ENPEP: variants seen among roughly 807,000 people sequenced by gnomAD.
The protein encoded by ENPEP is AP-A.
ENPEP carries 103 observed loss-of-function variants against 114.5 expected under a neutral mutation model. That is an observed-to-expected ratio of 0.90 (90% confidence interval 0.77 to 1.06). The LOEUF is 1.06. Ranked by LOEUF, ENPEP falls within the 50% of genes least tolerant of loss-of-function variation. The pLI is 0.00. For missense variants in ENPEP, 1,196 were observed against 1,161.3 expected (o/e 1.03, Z -0.43); for synonymous variants, 420 against 422.0 (o/e 1.00, Z 0.06).
chr4:110,500,300 A>C (rs1311258637), intron 3 of ENPEP: 1 of 152,214 alleles, frequency 6.6e-6, no homozygotes, highest in Non-Finnish European at 1.5e-5. Flanking sequence ...AGGGAAAAGC[A>C]AAAGCTATGT....
intron 11 of ENPEP, among the ~76,000 whole-genome samples, chr4:110,534,399 T>G (rs1224340277): frequency 6.6e-6 from 1 of 152,104 alleles, no homozygotes; most frequent in Admixed American, 6.6e-5. Context: ...ATATAGTATA[T>G]TTTATCCTGT....
At chr4:110,536,876 G>T (rs1210687750) in intron 11 of ENPEP, among the ~76,000 whole-genome samples, 3 of 152,070 alleles carry the variant, frequency 2.0e-5, no homozygotes, top group African/African-American at 7.2e-5. Context: ...TGCAGTTTTG[G>T]TGCCAAGCCA....
chr4:110,523,156 C>T (rs1434070540), intron 10 of ENPEP, among the ~76,000 whole-genome samples: 1 of 152,036 alleles, frequency 6.6e-6, no homozygotes, highest in Non-Finnish European at 1.5e-5. Flanking sequence ...TGGTGAAAGC[C>T]CATCCGTTTG....
chr4:110,500,289 AAG>A (rs1207351047), intron 3 of ENPEP: 2 of 152,212 alleles, frequency 1.3e-5, no homozygotes, highest in Non-Finnish European at 2.9e-5. Context: ...CCAATATGAT[AAG>A]GGAAAAGCAA....
intron 10 of ENPEP, among the ~76,000 whole-genome samples, chr4:110,528,142 A>G (rs558227293): frequency 1.4e-4 from 21 of 152,218 alleles, no homozygotes; most frequent in African/African-American, 3.9e-4. Context: ...CATTTTATTT[A>G]TATTCTTAGT....
chr4:110,506,535 C>A, intron 3 of ENPEP, 102 bp from the exon 4 acceptor site: 3 of 1,258,962 alleles, frequency 2.4e-6, no homozygotes, highest in Non-Finnish European at 3.2e-6. Context: ...ACATATCTGG[C>A]TCCAAAGCCC....
intron 10 of ENPEP, among the ~76,000 whole-genome samples, chr4:110,528,615 C>T (rs1000561085): frequency 1.3e-5 from 2 of 152,116 alleles, no homozygotes; most frequent in African/African-American, 4.8e-5. Context: ...GCTTTAACAC[C>T]ATGTCCTCAA....
rs139181881 is a variant in ENPEP at position 110,476,932 on chromosome 4, C to T, written c.518C>T (p.Ala173Val). The stretch of plus-strand genomic sequence containing the variant: ...AAGCAGGAGTACGTGGTGGTCGAGG[C>T]GGAGGAAGAGCTTACCCCCAGCAGT... ...YKKQEYVVVE[A>V]EEELTPSSGD... The change falls in exon 1 of 20, where the codon GCG becomes GTG. Residue 173 changes from alanine to valine, a missense_variant. Coordinates refer to ENST00000265162, the MANE Select transcript of ENPEP (RefSeq NM_001977.4). 3 of 1,614,102 alleles carry T rather than the reference C, an allele frequency of 1.9e-6. No individual in the cohort carries two copies. The highest frequency in any genetic ancestry group is 1.3e-5 in the African/African-American group (1 of 75,034).
intron 10 of ENPEP, among the ~76,000 whole-genome samples, chr4:110,526,295 C>T (rs946863496): frequency 6.6e-6 from 1 of 151,936 alleles, no homozygotes; most frequent in Non-Finnish European, 1.5e-5. Flanking sequence ...GAACAAACCC[C>T]CCGCCCCAAA....
intron 11 of ENPEP, among the ~76,000 whole-genome samples, chr4:110,536,671 G>T (rs1447931942): frequency 6.6e-6 from 1 of 152,118 alleles, no homozygotes; most frequent in Non-Finnish European, 1.5e-5. Context: ...GCTCAATTTG[G>T]CACCTACTTC....
rs563697887 is a variant in ENPEP, at chr4:110,565,254, G to A, written c.*3696G>A. On this transcript the variant is annotated 3_prime_UTR_variant, in exon 20 of 20. Coordinates refer to ENST00000265162, the MANE Select transcript of ENPEP (RefSeq NM_001977.4). ...ATTATATAAAATTTAAATAAATGTC[G>A]GCATCCTTAAATAAAGTTTTATTGG... The A allele has an allele frequency of 5.3e-5, 8 of 151,994 alleles. 1 individual carries two copies. Among genetic ancestry groups the A allele is most frequent in the East Asian group, 3.9e-4 (2 of 5,172 alleles). The allele number at this position is 151,994 out of a possible 1,614,324, so 9.4% of individuals were successfully genotyped here. A position where few individuals can be genotyped will look rare whatever the true frequency, so the allele number is the denominator to read the frequency against.
intron 10 of ENPEP, among the ~76,000 whole-genome samples, chr4:110,525,383 C>G (rs554733227): frequency 6.6e-6 from 1 of 152,310 alleles, no homozygotes; most frequent in South Asian, 2.1e-4. Flanking sequence ...TAGCACATCA[C>G]TAGTCCTCTG....
chr4:110,559,542 A>C lies in ENPEP; in HGVS notation c.2643-105A>C, dbSNP rs1716816487. ...CTTACTGTGTTTTGCTTACTTTGAA[A>C]GTTACTTTTAAAAACTATGAAATAA... On this transcript the variant is annotated intron_variant, in intron 18 of 19. Coordinates refer to ENST00000265162, the MANE Select transcript of ENPEP (RefSeq NM_001977.4). The C allele has an allele frequency of 1.9e-5, 15 of 805,392 alleles. No homozygotes were observed. In the East Asian group the frequency reaches 3.9e-4, roughly 21 times the overall value. 49.9% of individuals were successfully genotyped at this position (805,392 alleles called of 1,614,324 possible).
At chr4:110,536,107 C>CAAAAA (rs34765143) in intron 11 of ENPEP, among the ~76,000 whole-genome samples, 2 of 63,104 alleles carry the variant, frequency 3.2e-5, no homozygotes, top group African/African-American at 5.8e-5. Flanking sequence ...AACTCTGTCT[C>CAAAAA]AAAAAAAAAA....
intron 17 of ENPEP, among the ~76,000 whole-genome samples, chr4:110,550,314 C>T (rs1318416438): frequency 1.3e-5 from 2 of 152,054 alleles, no homozygotes; most frequent in Non-Finnish European, 2.9e-5. Context: ...TCCAATTCTC[C>T]TCATAATCCA....
intron 10 of ENPEP, among the ~76,000 whole-genome samples, chr4:110,525,011 C>T (rs1333595474): frequency 6.6e-6 from 1 of 152,184 alleles, no homozygotes; most frequent in Non-Finnish European, 1.5e-5. Flanking sequence ...CTTGGCCTCT[C>T]AAAGTGTTAG....
intron 8 of ENPEP, among the ~76,000 whole-genome samples, chr4:110,516,373 C>A (rs576706481): frequency 6.6e-6 from 1 of 152,240 alleles, no homozygotes; most frequent in East Asian, 1.9e-4. Flanking sequence ...ATCAAAGTAG[C>A]TACAATGTGT....
Position 110,553,328 on chromosome 4 carries a change from C to T in ENPEP, c.2515C>T (p.Leu839Phe). Residue 839 changes from leucine (L) to phenylalanine (F), a missense_variant, in exon 18 of 20, where the codon CTC becomes TTC. Physicochemically the swap from Leu to Phe is conservative, Grantham distance 22. Transcript: ENST00000265162. ...VTLLSRYLDL[L>F]KDTNLIKTQD... ...GGCTTCTCTTAGGTATTTGGATTTGCTCAAGGACACGAACCTTATTAAAAC... is the reference window on the plus strand; with the variant it reads ...GGCTTCTCTTAGGTATTTGGATTTGTTCAAGGACACGAACCTTATTAAAAC... The T allele has an allele frequency of 1.9e-6, 3 of 1,592,820 alleles. No individual in the cohort carries two copies. Among genetic ancestry groups the T allele is most frequent in the Non-Finnish European group, 2.6e-6 (3 of 1,166,394 alleles).
At chr4:110,537,972 A>T (rs953674960) in intron 11 of ENPEP, among the ~76,000 whole-genome samples, 4 of 152,220 alleles carry the variant, frequency 2.6e-5, no homozygotes, top group African/African-American at 4.8e-5. Flanking sequence ...AATATTCAGT[A>T]AACCATTCTA....
Sources: gnomAD v4.1 joint callset for allele counts (sites outside exome capture counted in the v4.1 genomes callset) on GRCh38, gnomAD v4.1.1 for gene constraint, MANE v1.5 for transcripts, NCBI Gene and HGNC (gene_info 2026-07-23, HGNC 2026-07-21) for gene names.